Variants in HPSE2 observed in about 807,000 individuals in gnomAD.
HPSE2 encodes the protein heparanase 2 (inactive).
HPSE2 carries 38 observed loss-of-function variants against 60.5 expected under a neutral mutation model. That is an observed-to-expected ratio of 0.63 (90% confidence interval 0.48 to 0.82). HPSE2 has a LOEUF of 0.82. Ranked by LOEUF, HPSE2 falls within the 40% of genes least tolerant of loss-of-function variation. HPSE2 has a pLI of 0.00. For missense variants in HPSE2, 713 were observed against 740.4 expected (o/e 0.96, Z 0.43); for synonymous variants, 295 against 293.2 (o/e 1.01, Z -0.06).
intron 3 of HPSE2, among the ~76,000 whole-genome samples, chr10:98,777,853 G>T (rs144511815): frequency 2.0e-5 from 3 of 152,198 alleles, no homozygotes; most frequent in Non-Finnish European, 4.4e-5. Flanking sequence ...CACAGGTTCT[G>T]TCAGGCCACC....
At chr10:99,220,856 T>C (rs1408656684) in intron 2 of HPSE2, among the ~76,000 whole-genome samples, 5 of 680 alleles carry the variant, frequency 7.4e-3, no homozygotes, top group Non-Finnish European at 0.014. Flanking sequence ...GGCTTTCACT[T>C]TTTTTTTTTT....
At chr10:99,109,990 C>T (rs1436430203) in intron 3 of HPSE2, among the ~76,000 whole-genome samples, 2 of 152,092 alleles carry the variant, frequency 1.3e-5, no homozygotes, top group Non-Finnish European at 2.9e-5. Context: ...TTAAGGAAGG[C>T]AGACCAACTT....
chr10:99,052,770 A>C (rs1367524579), intron 3 of HPSE2, among the ~76,000 whole-genome samples: 1 of 152,140 alleles, frequency 6.6e-6, no homozygotes, highest in Non-Finnish European at 1.5e-5. Flanking sequence ...CATTTAAAAA[A>C]TAAAAAGCAA....
intron 6 of HPSE2, among the ~76,000 whole-genome samples, chr10:98,689,521 A>G (rs1454901232): frequency 1.3e-5 from 2 of 152,334 alleles, no homozygotes; most frequent in Non-Finnish European, 2.9e-5. Flanking sequence ...TAACTCTATG[A>G]ATATATAATA....
At chr10:98,635,784 G>GAAAAAA (rs71009705) in intron 7 of HPSE2, among the ~76,000 whole-genome samples, 1 of 129,794 alleles carries the variant, frequency 7.7e-6, no homozygotes. Flanking sequence ...CCCATCTCAT[G>GAAAAAA]AAAAAAAAAA....
At chr10:98,481,386 T>C (rs1941228267) in intron 11 of HPSE2, among the ~76,000 whole-genome samples, 1 of 152,030 alleles carries the variant, frequency 6.6e-6, no homozygotes. Context: ...GATTATTTAG[T>C]GGTAAAGCAG....
intron 9 of HPSE2, among the ~76,000 whole-genome samples, chr10:98,612,321 A>G (rs572977225): frequency 9.2e-5 from 14 of 152,360 alleles, no homozygotes; most frequent in African/African-American, 3.1e-4. Context: ...CAGTTTTCTT[A>G]CTACTCGTCT....
intron 3 of HPSE2, among the ~76,000 whole-genome samples, chr10:99,137,910 G>T (rs1564837831): frequency 6.6e-6 from 1 of 152,176 alleles, no homozygotes; most frequent in Non-Finnish European, 1.5e-5. Flanking sequence ...TTAAACTCAA[G>T]AGCTTCTGCA....
At chr10:98,953,977 T>C (rs912694905) in intron 3 of HPSE2, among the ~76,000 whole-genome samples, 1 of 152,186 alleles carries the variant, frequency 6.6e-6, no homozygotes, top group Non-Finnish European at 1.5e-5. Flanking sequence ...ATAGTAGTTA[T>C]TACTATTGAG....
In HPSE2 at chr10:98,590,469, C is replaced by A. The variant is rs181706778; in HGVS notation, c.1320+24435G>T. Among the ~76,000 whole-genome samples the A allele has an allele frequency of 2.5e-3, 375 of 152,294 alleles. 9 individuals carry two copies. Among genetic ancestry groups the A allele is most frequent in the Admixed American group, 0.021 (321 of 15,298 alleles). On this transcript the variant is annotated intron_variant, in intron 9 of 11. Transcript: ENST00000370552. ...AGGGGTCATATCATTCAAACATTGT[C>A]TTGTTTAAATATCACCCTTTATTCT...
At chr10:99,141,986 G>A (rs1433522028) in intron 3 of HPSE2, among the ~76,000 whole-genome samples, 1 of 152,148 alleles carries the variant, frequency 6.6e-6, no homozygotes, top group South Asian at 2.1e-4. Flanking sequence ...ATAAATAACT[G>A]GTGGGTAGAG....
chr10:99,220,760 A>C (rs1475062437), intron 2 of HPSE2, among the ~76,000 whole-genome samples: 1 of 150,380 alleles, frequency 6.6e-6, no homozygotes, highest in Non-Finnish European at 1.5e-5. Context: ...CTGAGACTGC[A>C]TCACTGCACC....
chr10:98,557,852 G>T (rs1410763674), intron 9 of HPSE2, among the ~76,000 whole-genome samples: 1 of 152,164 alleles, frequency 6.6e-6, no homozygotes, highest in Admixed American at 6.5e-5. Context: ...GGGAGGCTGA[G>T]GCAGGAAAAT....
rs979468328 is a variant in HPSE2, at chr10:98,939,548, T to G, written c.611-195492A>C. On this transcript the variant is annotated intron_variant, in intron 3 of 11. Transcript: ENST00000370552. ...AAGAGCTAACTATCCTAAATATATA[T>G]GCACCCAATACAGGAGCACCCAGAT... is the stretch of plus-strand genomic sequence containing the variant. Among the ~76,000 whole-genome samples the G allele has an allele frequency of 4.9e-5, 7 of 143,660 alleles. 1 individual carries two copies. Among genetic ancestry groups the G allele is most frequent in the Non-Finnish European group, 1.0e-4 (7 of 67,180 alleles). 94.2% of individuals were successfully genotyped at this position (143,660 alleles called of 152,430 possible). A position where few individuals can be genotyped will look rare whatever the true frequency, so the allele number is the denominator to read the frequency against.
rs751358762 is a variant in HPSE2, at chr10:99,126,256, C to G, written c.610+17982G>C. The stretch of plus-strand genomic sequence containing the variant: ...CCATAATCCCCTCTGGAATATAACC[C>G]CATTGGCCTGAGAACCACAACCAAT... On this transcript the variant is annotated intron_variant, in intron 3 of 11. Transcript: ENST00000370552. The surrounding 1 kb of genome is among the most constrained non-coding windows in gnomAD (Gnocchi z 4.0). 6.6e-6 allele frequency among the ~76,000 whole-genome samples: 1 copy of G among 152,126 alleles called. No individual in the cohort carries two copies. The highest frequency in any genetic ancestry group is 6.5e-5 in the Admixed American group (1 of 15,282).
At chr10:99,214,777 G>A (rs1159924561) in intron 2 of HPSE2, among the ~76,000 whole-genome samples, 1 of 151,406 alleles carries the variant, frequency 6.6e-6, no homozygotes, top group African/African-American at 2.4e-5. Context: ...AGTGGGTGAA[G>A]GATATGAACA....
intron 3 of HPSE2, among the ~76,000 whole-genome samples, chr10:99,026,807 G>C (rs887482816): frequency 6.6e-6 from 1 of 151,740 alleles, no homozygotes; most frequent in Admixed American, 6.6e-5. Context: ...TAGAAATTAA[G>C]GAGAAGAATA....
At chr10:98,906,497 G>A (rs1307926548) in intron 3 of HPSE2, among the ~76,000 whole-genome samples, 1 of 152,176 alleles carries the variant, frequency 6.6e-6, no homozygotes, top group Non-Finnish European at 1.5e-5. Context: ...TAGAGGAAAG[G>A]TTAAAGGAAT....
intron 5 of HPSE2, among the ~76,000 whole-genome samples, chr10:98,703,075 C>G (rs1008777592): frequency 6.6e-6 from 1 of 151,838 alleles, no homozygotes; most frequent in Non-Finnish European, 1.5e-5. Flanking sequence ...AAGAATCAAA[C>G]AGACACAATA....
Sources: allele counts gnomAD v4.1 joint callset (sites outside exome capture counted in the v4.1 genomes callset), GRCh38; gene constraint gnomAD v4.1.1; non-coding constraint Gnocchi (gnomAD v3.1); transcripts MANE v1.5; gene names NCBI Gene and HGNC (gene_info 2026-07-23, HGNC 2026-07-21).